LRRC7: variants seen among roughly 807,000 people sequenced by gnomAD.
LRRC7 encodes the protein leucine rich repeat containing 7, also known as leucine-rich repeat-containing protein 7.
In LRRC7, 23 loss-of-function variants were observed where a neutral mutation model predicts 175.7. The observed-to-expected ratio is 0.13, with a 90% CI of 0.09 to 0.19. The LOEUF is 0.19. LRRC7 is among the 10% of genes least tolerant of loss of function. LRRC7 has a pLI of 1.00. For synonymous variants in LRRC7, 685 were observed against 680.9 expected (o/e 1.01, Z -0.09); for missense variants, 1,354 against 1,904.7 (o/e 0.71, Z 5.38).
At chr1:69,704,764 G>A (rs1570431494) in intron 2 of LRRC7, among the ~76,000 whole-genome samples, 2 of 151,816 alleles carry the variant, frequency 1.3e-5, no homozygotes, top group South Asian at 2.1e-4. Context: ...GATATAACAA[G>A]CAAAATATCC....
intron 26 of LRRC7, among the ~76,000 whole-genome samples, chr1:70,114,372 A>G (rs1275448691): frequency 1.3e-5 from 2 of 152,174 alleles, no homozygotes; most frequent in African/African-American, 2.4e-5. Context: ...AATAGGTTAA[A>G]AACTATGTTG....
intron 23 of LRRC7, among the ~76,000 whole-genome samples, chr1:70,065,786 T>C (rs544831607): frequency 7.7e-4 from 117 of 151,998 alleles, no homozygotes; most frequent in Non-Finnish European, 1.5e-3. Flanking sequence ...AGTCCGTTAT[T>C]GTATATTCTG....
rs536314907 is a variant in LRRC7, at chr1:69,655,242, T to C, written c.3-23139T>C. On this transcript the variant is annotated intron_variant, in intron 1 of 26. Coordinates refer to ENST00000651989, the MANE Select transcript of LRRC7 (RefSeq NM_001370785.2). Reference sequence around the variant, plus strand: ...TGATAAGTTATGGGTTACATTCAAGTAACCACCCAAAACTGTCCCAAACCA... The same window carrying C: ...TGATAAGTTATGGGTTACATTCAAGCAACCACCCAAAACTGTCCCAAACCA... Among the ~76,000 whole-genome samples, 73 of 152,090 alleles carry C rather than the reference T, an allele frequency of 4.8e-4. No homozygotes were observed. The Middle Eastern group carries it at 0.034, about 71-fold the overall frequency.
Position 70,016,657 on chromosome 1 carries a change from CAGAA to C in LRRC7, c.1320+127_1320+130del, listed in dbSNP as rs1656989360. On this transcript the variant is annotated intron_variant, in intron 14 of 26. Transcript: ENST00000651989. Reference sequence around the variant, plus strand: ...ACAAAATGTAGATTGTTTTTATCCCCAGAAAGAGAGAATTTTGTAAAGATAGCAA... The same window carrying C: ...ACAAAATGTAGATTGTTTTTATCCCCAGAGAGAATTTTGTAAAGATAGCAA... 5 of 697,888 alleles carry C rather than the reference CAGAA, an allele frequency of 7.2e-6. No homozygotes were observed. In the East Asian group the frequency reaches 1.6e-4, roughly 22 times the overall value. The allele number at this position is 697,888 out of a possible 1,614,324, so 43.2% of individuals were successfully genotyped here. A position where few individuals can be genotyped will look rare whatever the true frequency, so the allele number is the denominator to read the frequency against.
intron 2 of LRRC7, among the ~76,000 whole-genome samples, chr1:69,683,056 G>A (rs1293902488): frequency 6.6e-6 from 1 of 152,106 alleles, no homozygotes; most frequent in Non-Finnish European, 1.5e-5. Flanking sequence ...ATTCTTGAAT[G>A]TTTCAACAAT....
Position 70,036,502 on chromosome 1 carries a change from A to G in LRRC7, c.2166A>G (p.Ser722=), listed in dbSNP as rs569707672. 3 of 1,614,022 alleles carry G rather than the reference A, an allele frequency of 1.9e-6. No individual in the cohort carries two copies. The highest frequency in any genetic ancestry group is 4.5e-5 in the East Asian group (2 of 44,856). Reference sequence around the variant, plus strand: ...ACTGTCTGAATAACAGTGTTTCCTCAGGCACTTACTCAGACTACTCGCCTT... The same window carrying G: ...ACTGTCTGAATAACAGTGTTTCCTCGGGCACTTACTCAGACTACTCGCCTT... ...KTHCLNNSVS[S]GTYSDYSPSQ... is the part of the protein sequence containing the mutation. The change falls in exon 20 of 27, where the codon TCA becomes TCG. Residue 722 remains serine, a synonymous_variant. Coordinates refer to ENST00000651989, the MANE Select transcript of LRRC7 (RefSeq NM_001370785.2).
intron 7 of LRRC7, among the ~76,000 whole-genome samples, chr1:69,869,451 T>C (rs1685287099): frequency 6.6e-6 from 1 of 151,968 alleles, no homozygotes. Context: ...AGAGAGGAAA[T>C]GATGAATTCA....
chr1:69,980,520 T>C (rs1276354610), intron 9 of LRRC7, 67 bp downstream of exon 9: 7 of 1,206,458 alleles, frequency 5.8e-6, no homozygotes, highest in African/African-American at 4.6e-5. Flanking sequence ...TTGATCATAA[T>C]CTCAACTCTT....
At chr1:69,931,648 G>A in intron 8 of LRRC7, 78 bp downstream of exon 8, 1 of 1,149,542 alleles carries the variant, frequency 8.7e-7, no homozygotes, top group Admixed American at 1.9e-5. Context: ...GTAAACCAAG[G>A]TATTAACTTG....
intron 1 of LRRC7, among the ~76,000 whole-genome samples, chr1:69,657,201 G>A (rs1277319753): frequency 6.6e-6 from 1 of 151,688 alleles, no homozygotes; most frequent in Non-Finnish European, 1.5e-5. Flanking sequence ...TGTTACTAAT[G>A]TGATAAACAT....
At chr1:69,588,985 C>CTGTGTGTGTGTGTGTGGG (rs1646511002) in intron 1 of LRRC7, among the ~76,000 whole-genome samples, 1 of 131,070 alleles carries the variant, frequency 7.6e-6, no homozygotes, top group Non-Finnish European at 1.7e-5. Context: ...CTGCTGGGGT[C>CTGTGTGTGTGTGTGTGGG]TGTGTGTGTG....
At chr1:69,703,350 AAAGT>A (rs1557622493) in intron 2 of LRRC7, among the ~76,000 whole-genome samples, 1 of 152,172 alleles carries the variant, frequency 6.6e-6, no homozygotes. Context: ...TCATTTCATA[AAAGT>A]AATACTATAG....
In LRRC7 at chr1:69,938,995, T is replaced by TTATATATA. The variant is rs71583104; in HGVS notation, c.711+7437_711+7444dup. 1.6e-3 allele frequency among the ~76,000 whole-genome samples: 158 copies of TTATATATA among 97,450 alleles called. 3 individuals are homozygous for TTATATATA. The highest frequency in any genetic ancestry group is 4.4e-3 in the African/African-American group (112 of 25,234). The allele number at this position is 97,450 out of a possible 152,430, so 63.9% of individuals were successfully genotyped here. A position where few individuals can be genotyped will look rare whatever the true frequency, so the allele number is the denominator to read the frequency against. On this transcript the variant is annotated intron_variant, in intron 8 of 26. Coordinates refer to ENST00000651989, the MANE Select transcript of LRRC7 (RefSeq NM_001370785.2). ...TTTGTAAAGCCACTAAGGCTGTAGATTATATATATATATATATATCTATAT... is the reference window on the plus strand; with the variant it reads ...TTTGTAAAGCCACTAAGGCTGTAGATTATATATATATATATATATATATATATCTATAT...
chr1:69,814,988 T>C (rs1347966578), intron 4 of LRRC7, among the ~76,000 whole-genome samples: 3 of 152,178 alleles, frequency 2.0e-5, no homozygotes, highest in Admixed American at 6.6e-5. Flanking sequence ...CCCAGAACTC[T>C]CCCTAAGCTG....
chr1:70,059,487 G>A (rs1294073083), intron 23 of LRRC7, among the ~76,000 whole-genome samples: 1 of 150,808 alleles, frequency 6.6e-6, no homozygotes, highest in Admixed American at 6.6e-5. Flanking sequence ...GTGTGTGTGT[G>A]TGTGTGTGTG....
intron 8 of LRRC7, among the ~76,000 whole-genome samples, chr1:69,977,337 G>A (rs546436146): frequency 1.3e-4 from 19 of 151,776 alleles, no homozygotes; most frequent in East Asian, 7.7e-4. Context: ...ATTATGCTCC[G>A]TCACTTATGC....
intron 1 of LRRC7, among the ~76,000 whole-genome samples, chr1:69,667,852 T>C (rs1330670416): frequency 6.6e-6 from 1 of 152,170 alleles, no homozygotes; most frequent in Admixed American, 6.5e-5. Flanking sequence ...TTATCATTTG[T>C]TTTCTGGTTG....
chr1:69,990,735 G>C (rs968392197), intron 10 of LRRC7, among the ~76,000 whole-genome samples: 1 of 152,088 alleles, frequency 6.6e-6, no homozygotes, highest in East Asian at 1.9e-4. Context: ...TACGGTGGAA[G>C]AAAGAAAAAT....
intron 11 of LRRC7, among the ~76,000 whole-genome samples, chr1:70,011,592 A>C (rs1373043521): frequency 6.6e-6 from 1 of 152,138 alleles, no homozygotes; most frequent in African/African-American, 2.4e-5. Flanking sequence ...GTAAATTTAG[A>C]AAGGGAAAAA....
Sources: allele counts gnomAD v4.1 joint callset (sites outside exome capture counted in the v4.1 genomes callset), GRCh38; gene constraint gnomAD v4.1.1; transcripts MANE v1.5; gene names NCBI Gene and HGNC (gene_info 2026-07-23, HGNC 2026-07-21).